The following GABBR2 variants were observed in gnomAD, a reference collection of about 807,000 sequenced individuals.
GABBR2 encodes the protein G-protein coupled receptor 51.
GABBR2 carries 23 observed loss-of-function variants against 105.6 expected under a neutral mutation model. The observed-to-expected ratio is 0.22, with a 90% confidence interval of 0.16 to 0.31. The LOEUF (loss-of-function observed/expected upper bound fraction) is 0.31, where lower values mean the gene tolerates loss of function less well. GABBR2 is among the 10% of genes least tolerant of loss of function. The pLI is 1.00. For synonymous variants in GABBR2, 478 were observed against 499.7 expected, an observed-to-expected ratio of 0.96 and a Z score of 0.58; for missense variants, 734 against 1,245.5, an observed-to-expected ratio of 0.59 and a Z score of 6.18.
At chr9:98,543,083 TTTA>T (rs1828335127) in intron 2 of GABBR2, among the ~76,000 whole-genome samples, 1 of 152,158 alleles carries the variant, frequency 6.6e-6, no homozygotes, top group South Asian at 2.1e-4. Flanking sequence ...CATCGTTCTC[TTTA>T]TTATTTCTTC....
At chr9:98,498,390 T>C (rs1440885359) in intron 3 of GABBR2, among the ~76,000 whole-genome samples, 4 of 152,246 alleles carry the variant, frequency 2.6e-5, no homozygotes, top group South Asian at 2.1e-4. Context: ...TATTCTGCTA[T>C]GTATATTGTA....
chr9:98,674,864 G>A (rs901378735), intron 1 of GABBR2, among the ~76,000 whole-genome samples: 5 of 152,192 alleles, frequency 3.3e-5, no homozygotes, highest in Non-Finnish European at 7.3e-5. Flanking sequence ...CAGGGGCATT[G>A]TGGAGGGGAC....
At chr9:98,328,776 C>T (rs1322556814) in intron 13 of GABBR2, among the ~76,000 whole-genome samples, 2 of 152,194 alleles carry the variant, frequency 1.3e-5, no homozygotes, top group African/African-American at 4.8e-5. Flanking sequence ...GTGACCCTCT[C>T]CCTGGACAAT....
intron 8 of GABBR2, among the ~76,000 whole-genome samples, chr9:98,400,198 A>T (rs76400152): frequency 0.11 from 16,409 of 148,862 alleles, 1,037 homozygotes; most frequent in African/African-American, 0.17. Flanking sequence ...TTTTTTTTTA[A>T]AAAAAAAAGA....
intron 1 of GABBR2, among the ~76,000 whole-genome samples, chr9:98,643,698 T>A (rs747446487): frequency 1.3e-5 from 2 of 152,226 alleles, no homozygotes; most frequent in Non-Finnish European, 2.9e-5. Context: ...GTGAGCCAAC[T>A]GTATCCCTGT....
At chr9:98,675,464 AG>A (rs1830464648) in intron 1 of GABBR2, among the ~76,000 whole-genome samples, 1 of 152,214 alleles carries the variant, frequency 6.6e-6, no homozygotes, top group African/African-American at 2.4e-5. Context: ...GGGAGGGCCA[AG>A]GAAAAGGAGT....
chr9:98,351,960 G>A (rs1366562940), intron 13 of GABBR2, among the ~76,000 whole-genome samples: 2 of 152,194 alleles, frequency 1.3e-5, no homozygotes, highest in Non-Finnish European at 2.9e-5. Context: ...TCCAATTTTA[G>A]GGATTGACTT....
At chr9:98,682,230 GA>G (rs376707014) in intron 1 of GABBR2, among the ~76,000 whole-genome samples, 10 of 96,680 alleles carry the variant, frequency 1.0e-4, no homozygotes, top group African/African-American at 1.9e-4. Flanking sequence ...CTTCATCTCA[GA>G]AAAAAAAAAC....
chr9:98,395,121 T>TGGCA, intron 8 of GABBR2, among the ~76,000 whole-genome samples: 1 of 152,016 alleles, frequency 6.6e-6, no homozygotes, highest in Non-Finnish European at 1.5e-5. Flanking sequence ...TGGCCCAGAG[T>TGGCA]GGTGGCAGAA....
rs147504114 is a variant in GABBR2 at position 98,691,514 on chromosome 9, G to T, written c.321+16903C>A. Reference sequence around the variant, plus strand: ...TTGTGTTCTCCAGCCTTGGCCAATAGGAAACTCTTTGCCGACAGCAAGGCT... The same window carrying T: ...TTGTGTTCTCCAGCCTTGGCCAATATGAAACTCTTTGCCGACAGCAAGGCT... On this transcript the variant is annotated intron_variant, in intron 1 of 18. Coordinates refer to ENST00000259455, the MANE Select transcript of GABBR2 (RefSeq NM_005458.8). Among the ~76,000 whole-genome samples the T allele has an allele frequency of 1.8e-3, 272 of 152,310 alleles. 2 individuals are homozygous for T. Among genetic ancestry groups the T allele is most frequent in the Non-Finnish European group, 3.2e-3 (220 of 68,020 alleles).
intron 1 of GABBR2, among the ~76,000 whole-genome samples, chr9:98,579,513 G>A (rs532713686): frequency 1.3e-5 from 2 of 152,138 alleles, no homozygotes; most frequent in African/African-American, 4.8e-5. Context: ...CCACCATCTA[G>A]CTGTCTGAGG....
chr9:98,551,506 G>T (rs1333158556), intron 2 of GABBR2, among the ~76,000 whole-genome samples: 2 of 152,166 alleles, frequency 1.3e-5, no homozygotes. Flanking sequence ...GGCCCAGAAA[G>T]GTCATCCAGT....
At chr9:98,409,125 C>T (rs562206170) in intron 7 of GABBR2, among the ~76,000 whole-genome samples, 6 of 152,176 alleles carry the variant, frequency 3.9e-5, no homozygotes, top group Non-Finnish European at 5.9e-5. Context: ...CCAGCATGGC[C>T]GGAACACAGT....
chr9:98,419,629 A>G (rs564728197), intron 7 of GABBR2, among the ~76,000 whole-genome samples: 2 of 152,308 alleles, frequency 1.3e-5, no homozygotes, highest in Non-Finnish European at 1.5e-5. Flanking sequence ...GGCCCAGGTC[A>G]GGGGCTTCTC....
intron 5 of GABBR2, among the ~76,000 whole-genome samples, chr9:98,473,742 A>G (rs1246960352): frequency 1.3e-5 from 2 of 152,214 alleles, no homozygotes; most frequent in African/African-American, 2.4e-5. Context: ...CAATAAGGAG[A>G]AAACATACCA....
At chr9:98,680,399 A>G (rs1283536949) in intron 1 of GABBR2, among the ~76,000 whole-genome samples, 1 of 151,908 alleles carries the variant, frequency 6.6e-6, no homozygotes, top group East Asian at 1.9e-4. Context: ...TCCGCCTCCC[A>G]GGTTCACGCC....
chr9:98,389,559 C>A (rs1391917851), intron 9 of GABBR2, among the ~76,000 whole-genome samples: 2 of 152,228 alleles, frequency 1.3e-5, no homozygotes, highest in African/African-American at 4.8e-5. Context: ...TCTGTTTCCA[C>A]AAGACTCTGA....
At chr9:98,464,880 G>A (rs1431294302) in intron 6 of GABBR2, among the ~76,000 whole-genome samples, 12 of 151,862 alleles carry the variant, frequency 7.9e-5, no homozygotes, top group East Asian at 3.9e-4. Context: ...GATTAAGGGC[G>A]GTGCAAGATG....
At chr9:98,530,653 C>T (rs563716260) in intron 3 of GABBR2, among the ~76,000 whole-genome samples, 28 of 152,202 alleles carry the variant, frequency 1.8e-4, no homozygotes, top group African/African-American at 4.3e-4. Flanking sequence ...GGCGCGGTGG[C>T]GTGTGCCTGT....
Sources: gnomAD v4.1 joint callset for allele counts (sites outside exome capture counted in the v4.1 genomes callset) on GRCh38, gnomAD v4.1.1 for gene constraint, MANE v1.5 for transcripts, NCBI Gene and HGNC (gene_info 2026-07-23, HGNC 2026-07-21) for gene names.